AUTS2: variants seen among roughly 807,000 people sequenced by gnomAD.
AUTS2 encodes activator of transcription and developmental regulator AUTS2.
Under a neutral mutation model 112.4 loss-of-function variants are expected in AUTS2, and 17 were observed. The ratio of observed to expected loss-of-function variants is 0.15; its 90% CI spans 0.10 to 0.23. The LOEUF (loss-of-function observed/expected upper bound fraction) is 0.23. AUTS2 is among the 10% of genes least tolerant of loss of function. The pLI is 1.00. For synonymous variants in AUTS2, 751 were observed against 702.7 expected (o/e 1.07, Z -1.09); for missense variants, 1,510 against 1,701.6 (o/e 0.89, Z 1.98).
At chr7:70,285,004 T>C (rs1175764392) in intron 4 of AUTS2, among the ~76,000 whole-genome samples, 1 of 152,238 alleles carries the variant, frequency 6.6e-6, no homozygotes, top group Non-Finnish European at 1.5e-5. Flanking sequence ...TTTTGTTGTA[T>C]TGAAATGTCT....
intron 14 of AUTS2, among the ~76,000 whole-genome samples, chr7:70,781,145 G>C (rs1791041983): frequency 6.6e-6 from 1 of 152,072 alleles, no homozygotes; most frequent in Non-Finnish European, 1.5e-5. Flanking sequence ...CGGATCACTT[G>C]AGGTCAGGAG....
intron 1 of AUTS2, among the ~76,000 whole-genome samples, chr7:69,751,947 A>C (rs1339102306): frequency 6.6e-6 from 1 of 152,218 alleles, no homozygotes; most frequent in South Asian, 2.1e-4. Context: ...AGTTCTTATA[A>C]TAGTGCCCAA....
At chr7:70,644,305 G>C (rs541499825) in intron 5 of AUTS2, among the ~76,000 whole-genome samples, 3 of 152,296 alleles carry the variant, frequency 2.0e-5, no homozygotes, top group African/African-American at 7.2e-5. Context: ...GTGATGGAGA[G>C]GGAGTCGTCA....
intron 1 of AUTS2, among the ~76,000 whole-genome samples, chr7:69,673,165 G>A (rs1233196444): frequency 1.3e-5 from 2 of 152,078 alleles, no homozygotes; most frequent in Non-Finnish European, 2.9e-5. Flanking sequence ...TTTTTGGAAA[G>A]GACTGTGTGT....
At chr7:69,707,211 C>G (rs558446284) in intron 1 of AUTS2, among the ~76,000 whole-genome samples, 5 of 152,080 alleles carry the variant, frequency 3.3e-5, no homozygotes, top group African/African-American at 1.2e-4. Flanking sequence ...ATTATCAGAC[C>G]TCATCTGCAT....
intron 5 of AUTS2, among the ~76,000 whole-genome samples, chr7:70,648,244 C>T (rs904361196): frequency 6.6e-6 from 1 of 152,166 alleles, no homozygotes; most frequent in Admixed American, 6.5e-5. Flanking sequence ...ACTCCGCCCC[C>T]CTCCACCACC....
At chr7:70,129,434 A>G (rs544166487) in intron 3 of AUTS2, among the ~76,000 whole-genome samples, 1 of 152,338 alleles carries the variant, frequency 6.6e-6, no homozygotes, top group South Asian at 2.1e-4. Flanking sequence ...ATCTAAAAAC[A>G]TCATCACAGA....
At position 70,462,184 on chromosome 7, in the gene AUTS2, G is replaced by A. The variant is rs191925565; in HGVS notation, c.690+26403G>A. On this transcript the variant is annotated intron_variant, in intron 5 of 18. Coordinates refer to ENST00000342771, the MANE Select transcript of AUTS2 (RefSeq NM_015570.4). The stretch of plus-strand genomic sequence containing the variant: ...GGAGAATCACTTGAACCTGGATGGC[G>A]GAGGTTGCAGTGAGCCGAGATTGAG... 1.6e-3 allele frequency among the ~76,000 whole-genome samples: 245 copies of A among 152,222 alleles called. 2 individuals carry two copies. Among genetic ancestry groups the A allele is most frequent in the East Asian group, 7.7e-4 (4 of 5,164 alleles).
At chr7:70,076,646 A>G (rs1238224495) in intron 2 of AUTS2, among the ~76,000 whole-genome samples, 5 of 152,180 alleles carry the variant, frequency 3.3e-5, no homozygotes, top group Non-Finnish European at 7.3e-5. Flanking sequence ...TGACTTGTGG[A>G]TCAAATGTGT....
chr7:70,078,865 T>C (rs559094436), intron 2 of AUTS2, among the ~76,000 whole-genome samples: 1 of 152,362 alleles, frequency 6.6e-6, no homozygotes, highest in East Asian at 1.9e-4. Flanking sequence ...TAAATTCTCG[T>C]CTGCTCTCAT....
intron 10 of AUTS2, among the ~76,000 whole-genome samples, chr7:70,769,449 G>T (rs1375429129): frequency 6.6e-6 from 1 of 152,196 alleles, no homozygotes; most frequent in Non-Finnish European, 1.5e-5. Flanking sequence ...ACTTTGGGAG[G>T]CCGAGGCAGG....
chr7:69,685,681 A>G (rs1054965187), intron 1 of AUTS2, among the ~76,000 whole-genome samples: 2 of 152,088 alleles, frequency 1.3e-5, no homozygotes, highest in Non-Finnish European at 2.9e-5. Context: ...TGAGTTTGCA[A>G]TGGTAGAAGT....
intron 5 of AUTS2, among the ~76,000 whole-genome samples, chr7:70,665,091 A>AT (rs1235601917): frequency 6.6e-6 from 1 of 152,088 alleles, no homozygotes; most frequent in East Asian, 1.9e-4. Flanking sequence ...GAGAAAAAAA[A>AT]ATGCTTATAT....
intron 4 of AUTS2, among the ~76,000 whole-genome samples, chr7:70,312,736 T>C (rs1267308919): frequency 6.6e-6 from 1 of 152,226 alleles, no homozygotes; most frequent in African/African-American, 2.4e-5. Flanking sequence ...TGCTGTCCAG[T>C]ACAACTTTCT....
chr7:69,868,085 G>A (rs1384645043), intron 1 of AUTS2, among the ~76,000 whole-genome samples: 1 of 152,036 alleles, frequency 6.6e-6, no homozygotes, highest in Non-Finnish European at 1.5e-5. Context: ...AAAAATTTAA[G>A]TTTATTGTGT....
At chr7:70,219,276 A>G (rs1457943653) in intron 4 of AUTS2, among the ~76,000 whole-genome samples, 1 of 152,222 alleles carries the variant, frequency 6.6e-6, no homozygotes, top group Non-Finnish European at 1.5e-5. Flanking sequence ...GACAAGGTGA[A>G]ATTGACAAGT....
chr7:69,655,032 G>C (rs954725467), intron 1 of AUTS2, among the ~76,000 whole-genome samples: 6 of 152,174 alleles, frequency 3.9e-5, no homozygotes, highest in African/African-American at 1.4e-4. Flanking sequence ...CAGGCAGCAA[G>C]TGTGTCGCCC....
At chr7:69,615,852 C>T (rs1348101682) in intron 1 of AUTS2, among the ~76,000 whole-genome samples, 2 of 152,174 alleles carry the variant, frequency 1.3e-5, no homozygotes, top group African/African-American at 4.8e-5. Context: ...CTGTAGCATG[C>T]TGACAGCAAT....
At chr7:69,693,028 TGGAAATAATGA>T (rs997891709) in intron 1 of AUTS2, among the ~76,000 whole-genome samples, 1 of 152,214 alleles carries the variant, frequency 6.6e-6, no homozygotes, top group African/African-American at 2.4e-5. Context: ...TTATGGTAGA[TGGAAATAATGA>T]GGAAACTGTG....
Sources: gnomAD v4.1 joint callset for allele counts (sites outside exome capture counted in the v4.1 genomes callset) on GRCh38, gnomAD v4.1.1 for gene constraint, MANE v1.5 for transcripts, NCBI Gene and HGNC (gene_info 2026-07-23, HGNC 2026-07-21) for gene names.